PACC1: variants seen among roughly 807,000 people sequenced by gnomAD.
PACC1 encodes proton-activated chloride channel.
Under a neutral mutation model 39.7 loss-of-function variants are expected in PACC1, and 34 were observed. The observed-to-expected ratio is 0.86, with a 90% confidence interval of 0.65 to 1.14. The LOEUF (loss-of-function observed/expected upper bound fraction) is 1.14, where lower values mean the gene tolerates loss of function less well. Ranked by LOEUF, PACC1 falls within the 50% of genes most tolerant of loss-of-function variation. The pLI is 0.00. For synonymous variants in PACC1, 127 were observed against 160.6 expected (o/e 0.79, Z 1.58); for missense variants, 379 against 436.4 (o/e 0.87, Z 1.17).
chr1:212,374,973 A>C (rs1353204787), intron 7 of PACC1, among the ~76,000 whole-genome samples: 1 of 152,220 alleles, frequency 6.6e-6, no homozygotes, highest in Non-Finnish European at 1.5e-5. Flanking sequence ...TGAAGACAAG[A>C]CCAAACACAA....
Position 212,381,692 on chromosome 1 carries a change from ACTG to A in PACC1, c.496-1658_496-1656del, listed in dbSNP as rs139933047. On this transcript the variant is annotated intron_variant, in intron 4 of 7. Coordinates refer to ENST00000261455, the MANE Select transcript of PACC1 (RefSeq NM_018252.3). Reference sequence around the variant, plus strand: ...CATGTGCACAGACACACACACACACACTGCACACACACACACACACACACACAC... The same window carrying A: ...CATGTGCACAGACACACACACACACACACACACACACACACACACACACAC... Among the ~76,000 whole-genome samples, 450 of 70,204 alleles carry A rather than the reference ACTG, an allele frequency of 6.4e-3. 2 individuals are homozygous for A. The highest frequency in any genetic ancestry group is 0.013 in the Non-Finnish European group (358 of 27,800). The allele number at this position is 70,204 out of a possible 152,430, so 46.1% of individuals were successfully genotyped here. A position where few individuals can be genotyped will look rare whatever the true frequency, so the allele number is the denominator to read the frequency against.
At chr1:212,391,963 CTGAT>C (rs1661336989) in intron 2 of PACC1, among the ~76,000 whole-genome samples, 1 of 152,162 alleles carries the variant, frequency 6.6e-6, no homozygotes, top group Admixed American at 6.5e-5. Flanking sequence ...AAATCTACGT[CTGAT>C]TGGTGTACCT....
At chr1:212,409,959 G>T (rs988352916) in intron 2 of PACC1, among the ~76,000 whole-genome samples, 1 of 152,168 alleles carries the variant, frequency 6.6e-6, no homozygotes, top group Non-Finnish European at 1.5e-5. Flanking sequence ...GCGTGTATCC[G>T]GGCGGAAGAA....
At chr1:212,391,573 C>T (rs1213394758) in intron 2 of PACC1, among the ~76,000 whole-genome samples, 5 of 152,188 alleles carry the variant, frequency 3.3e-5, no homozygotes, top group East Asian at 1.9e-4. Flanking sequence ...TCACCAGCAA[C>T]GGAACAAAGC....
intron 2 of PACC1, among the ~76,000 whole-genome samples, chr1:212,390,572 T>G (rs1358101879): frequency 6.7e-6 from 1 of 149,634 alleles, no homozygotes; most frequent in East Asian, 2.0e-4. Flanking sequence ...TTCGTATCAC[T>G]GGGGCTTGTC....
At chr1:212,408,436 C>T (rs1403471251) in intron 2 of PACC1, among the ~76,000 whole-genome samples, 4 of 151,938 alleles carry the variant, frequency 2.6e-5, no homozygotes, top group African/African-American at 9.7e-5. Flanking sequence ...TCTCGTCTCA[C>T]TGTAACCTCC....
intron 2 of PACC1, among the ~76,000 whole-genome samples, chr1:212,405,752 C>A (rs1168749313): frequency 6.6e-6 from 1 of 152,266 alleles, no homozygotes; most frequent in East Asian, 1.9e-4. Flanking sequence ...TGAGCATATT[C>A]CTTAACGTCT....
At position 212,365,202 on chromosome 1, in the gene PACC1, A is replaced by C. The variant is rs945290705; in HGVS notation, c.*13T>G. The C allele has an allele frequency of 6.2e-7, 1 of 1,611,552 alleles. No individual in the cohort carries two copies. Among genetic ancestry groups the C allele is most frequent in the Non-Finnish European group, 8.5e-7 (1 of 1,178,810 alleles). On this transcript the variant is annotated 3_prime_UTR_variant, in exon 8 of 8. Transcript: ENST00000261455. ...ATTGATGTGGACAGTTCTCTAAACAACGCGAGGTGACTTCAGCTTATGTGG... is the reference window on the plus strand; with the variant it reads ...ATTGATGTGGACAGTTCTCTAAACACCGCGAGGTGACTTCAGCTTATGTGG...
At chr1:212,395,840 T>C (rs1166425616) in intron 2 of PACC1, among the ~76,000 whole-genome samples, 1 of 152,074 alleles carries the variant, frequency 6.6e-6, no homozygotes, top group Non-Finnish European at 1.5e-5. Flanking sequence ...GAAAAAATGC[T>C]CATCATCACT....
Position 212,410,281 on chromosome 1 carries a change from G to T in PACC1, c.133+144C>A, listed in dbSNP as rs923366967. 5.3e-6 allele frequency: 4 copies of T among 750,354 alleles called. No individual in the cohort carries two copies. In the African/African-American group the frequency reaches 6.9e-5, roughly 13 times the overall value. 46.5% of individuals were successfully genotyped at this position (750,354 alleles called of 1,614,324 possible). A position where few individuals can be genotyped will look rare whatever the true frequency, so the allele number is the denominator to read the frequency against. On this transcript the variant is annotated intron_variant, in intron 2 of 7. Coordinates refer to ENST00000261455, the MANE Select transcript of PACC1 (RefSeq NM_018252.3). ...CTCTGTTCCAAGGCTGGTTAAATAT[G>T]TATGGCTTTAAAACTAGGGCAATAC...
intron 2 of PACC1, among the ~76,000 whole-genome samples, chr1:212,407,563 C>T (rs1331457490): frequency 6.6e-6 from 1 of 152,226 alleles, no homozygotes; most frequent in East Asian, 1.9e-4. Flanking sequence ...TGCCTCATGT[C>T]AGAGGGAGGA....
chr1:212,385,013 T>C (rs113101265), intron 4 of PACC1, among the ~76,000 whole-genome samples: 2,933 of 152,334 alleles, frequency 0.019, 104 homozygotes, highest in African/African-American at 0.065. Flanking sequence ...CATTCTTCCA[T>C]TGGGGACAGG....
In PACC1 at chr1:212,395,223, T is replaced by C; in HGVS notation, c.134-8123A>G. ...AACAGTAACCAAAACAGCATGGTACTGGTACCAAAACAGAGATATAGACCA... is the reference window on the plus strand; with the variant it reads ...AACAGTAACCAAAACAGCATGGTACCGGTACCAAAACAGAGATATAGACCA... On this transcript the variant is annotated intron_variant, in intron 2 of 7. Coordinates refer to ENST00000261455, the MANE Select transcript of PACC1 (RefSeq NM_018252.3). 1.3e-5 allele frequency among the ~76,000 whole-genome samples: 2 copies of C among 152,230 alleles called. 1 individual carries two copies. The highest frequency in any genetic ancestry group is 4.8e-5 in the African/African-American group (2 of 41,452).
At position 212,377,737 on chromosome 1, in the gene PACC1, G is replaced by C; in HGVS notation, c.639-31C>G. ...AGGAAGGAAGGAGAAGGAAGATCCA[G>C]GTCAATGCAGGTCTGGCAGCAGGAG... On this transcript the variant is annotated intron_variant, in intron 5 of 7. Coordinates refer to ENST00000261455, the MANE Select transcript of PACC1 (RefSeq NM_018252.3). 5.0e-6 allele frequency: 8 copies of C among 1,609,880 alleles called. No homozygotes were observed. The East Asian group carries it at 1.8e-4, about 36-fold the overall frequency.
chr1:212,404,153 C>A (rs1465392833), intron 2 of PACC1, among the ~76,000 whole-genome samples: 1 of 152,036 alleles, frequency 6.6e-6, no homozygotes, highest in African/African-American at 2.4e-5. Context: ...GTCGCCCAGG[C>A]TGGAGTACAG....
intron 2 of PACC1, among the ~76,000 whole-genome samples, chr1:212,409,165 C>T (rs1433588389): frequency 6.6e-6 from 1 of 152,182 alleles, no homozygotes; most frequent in African/African-American, 2.4e-5. Flanking sequence ...GAAAAATTGT[C>T]TTCCACAAAC....
At chr1:212,381,291 A>G (rs1660870411) in intron 4 of PACC1, among the ~76,000 whole-genome samples, 2 of 152,220 alleles carry the variant, frequency 1.3e-5, no homozygotes, top group South Asian at 4.1e-4. Context: ...TCTTATCAAT[A>G]TTAAACATCC....
chr1:212,384,255 T>G (rs1407044133), intron 4 of PACC1, among the ~76,000 whole-genome samples: 3 of 152,172 alleles, frequency 2.0e-5, no homozygotes, highest in Admixed American at 6.5e-5. Context: ...AGAGAATCAT[T>G]TTAGCAGGAT....
rs1426389240 is a variant in PACC1 at position 212,385,271 on chromosome 1, T to G, written c.495+3A>C. On this transcript the variant is annotated splice_donor_region_variant and intron_variant, in intron 4 of 7. Coordinates refer to ENST00000261455, the MANE Select transcript of PACC1 (RefSeq NM_018252.3). ...AGACCCAGCTCAGGCAGACAGGAAT[T>G]ACCACAGTCTGATTGGAGAAGGGGT... 1 of 1,613,730 alleles carries G rather than the reference T, an allele frequency of 6.2e-7. No homozygotes were observed. Among genetic ancestry groups the G allele is most frequent in the Non-Finnish European group, 8.5e-7 (1 of 1,179,956 alleles).
Sources: allele counts gnomAD v4.1 joint callset (sites outside exome capture counted in the v4.1 genomes callset), GRCh38; gene constraint gnomAD v4.1.1; transcripts MANE v1.5; gene names NCBI Gene and HGNC (gene_info 2026-07-23, HGNC 2026-07-21).